FBXW11: variants seen among roughly 807,000 people sequenced by gnomAD.
The protein encoded by FBXW11 is F-box and WD repeat domain containing 11.
FBXW11 carries 19 observed loss-of-function variants against 77.6 expected under a neutral mutation model. The observed-to-expected ratio is 0.24, with a 90% CI of 0.17 to 0.36. The LOEUF is 0.36. Among genes scored for constraint, FBXW11 ranks in the 10% least tolerant of loss-of-function variants. The pLI is 1.00. For missense variants in FBXW11, 334 were observed against 704.2 expected (o/e 0.47, Z 5.95); for synonymous variants, 235 against 249.4 (o/e 0.94, Z 0.54).
chr5:171,909,405 T>C (rs1351645734), intron 4 of FBXW11, among the ~76,000 whole-genome samples: 2 of 152,224 alleles, frequency 1.3e-5, no homozygotes, highest in African/African-American at 2.4e-5. Flanking sequence ...AAGGCAGATA[T>C]ATGTCATTAG....
chr5:171,917,591 T>C (rs1761335017), intron 2 of FBXW11, among the ~76,000 whole-genome samples: 2 of 152,184 alleles, frequency 1.3e-5, no homozygotes, highest in Admixed American at 1.3e-4. Flanking sequence ...CCACTTCTTT[T>C]ATAAAGGTTT....
intron 3 of FBXW11, among the ~76,000 whole-genome samples, chr5:171,913,834 C>CACATACAT (rs59694449): frequency 7.2e-6 from 1 of 138,100 alleles, no homozygotes; most frequent in South Asian, 2.4e-4. Flanking sequence ...CACACACACA[C>CACATACAT]ACACACACAC....
intron 2 of FBXW11, among the ~76,000 whole-genome samples, chr5:171,942,223 A>G (rs1400503198): frequency 6.6e-6 from 1 of 151,510 alleles, no homozygotes; most frequent in African/African-American, 2.4e-5. Context: ...TAGCACTGAC[A>G]GGTTACTGCC....
chr5:171,993,484 G>A (rs752026097), intron 1 of FBXW11, among the ~76,000 whole-genome samples: 2 of 152,098 alleles, frequency 1.3e-5, no homozygotes, highest in East Asian at 1.9e-4. Context: ...GTGGTGATGC[G>A]TGCCTGTAGT....
Position 171,876,538 on chromosome 5 carries a change from G to GGA in FBXW11, c.972-6_972-5dup, listed in dbSNP as rs1758093969. The GGA allele has an allele frequency of 6.2e-7, 1 of 1,611,358 alleles. No individual in the cohort carries two copies. ...ACCCGTGTTCACATCCCACACTCTA[G>GGA]GAGAGAAGAGAAAAGCATGATGCTT... is the stretch of plus-strand genomic sequence containing the variant. On this transcript the variant is annotated splice_polypyrimidine_tract_variant and splice_region_variant and intron_variant, in intron 8 of 13. Coordinates refer to ENST00000517395, the MANE Select transcript of FBXW11 (RefSeq NM_001378974.1). The surrounding 1 kb of genome is among the most constrained non-coding windows in gnomAD (Gnocchi z 4.2).
chr5:171,898,487 A>G (rs1054397585), intron 6 of FBXW11, among the ~76,000 whole-genome samples: 1 of 152,232 alleles, frequency 6.6e-6, no homozygotes, highest in African/African-American at 2.4e-5. Flanking sequence ...ACAGAGTTTT[A>G]CTGGTCTGGT....
intron 2 of FBXW11, among the ~76,000 whole-genome samples, chr5:171,953,516 T>C (rs1009653778): frequency 6.6e-6 from 1 of 152,196 alleles, no homozygotes; most frequent in Non-Finnish European, 1.5e-5. Context: ...AGCCTTATCA[T>C]ATGCATGGTC....
intron 1 of FBXW11, among the ~76,000 whole-genome samples, chr5:171,978,641 C>T (rs975393271): frequency 6.6e-6 from 1 of 152,160 alleles, no homozygotes; most frequent in Non-Finnish European, 1.5e-5. Context: ...TTGCCATGGA[C>T]AGTATGCAGA....
chr5:171,939,211 T>C (rs1267525857), intron 2 of FBXW11, among the ~76,000 whole-genome samples: 1 of 152,080 alleles, frequency 6.6e-6, no homozygotes, highest in African/African-American at 2.4e-5. Context: ...CACTCCAGCA[T>C]GGGTGACAGC....
intron 1 of FBXW11, among the ~76,000 whole-genome samples, chr5:171,972,434 A>G (rs1433822950): frequency 1.4e-5 from 2 of 144,630 alleles, no homozygotes; most frequent in Admixed American, 7.1e-5. Context: ...CCCGGAGGTC[A>G]AGGCTACAGT....
chr5:171,867,178 C>CAGAA (rs1581116971), intron 13 of FBXW11, among the ~76,000 whole-genome samples: 1 of 152,078 alleles, frequency 6.6e-6, no homozygotes, highest in East Asian at 1.9e-4. Flanking sequence ...GGGGCAAGAC[C>CAGAA]AGAAGTCAGC....
At chr5:171,918,847 A>G (rs1238011640) in intron 2 of FBXW11, among the ~76,000 whole-genome samples, 1 of 152,188 alleles carries the variant, frequency 6.6e-6, no homozygotes, top group Non-Finnish European at 1.5e-5. Flanking sequence ...GTGAGAATCA[A>G]AAATGTCTCC....
At chr5:171,916,944 C>T (rs143981623) in intron 2 of FBXW11, among the ~76,000 whole-genome samples, 5 of 151,952 alleles carry the variant, frequency 3.3e-5, no homozygotes, top group South Asian at 2.1e-4. Flanking sequence ...TTTTTAAATA[C>T]GGAGTCTTGC....
In FBXW11 at chr5:171,955,092, A is replaced by T. The variant is rs1763540179; in HGVS notation, c.147+2505T>A. 2.0e-5 allele frequency among the ~76,000 whole-genome samples: 3 copies of T among 152,358 alleles called. No homozygotes were observed. The South Asian group carries it at 6.2e-4, about 32-fold the overall frequency. ...TAATATATGTGAAGCACCATGTAAC[A>T]GTTGGTAATGAGTGATTTTTAAGTC... On this transcript the variant is annotated intron_variant, in intron 2 of 13. Transcript: ENST00000517395.
chr5:171,907,092 G>A (rs745941178), intron 4 of FBXW11, among the ~76,000 whole-genome samples: 1 of 152,064 alleles, frequency 6.6e-6, no homozygotes, highest in Non-Finnish European at 1.5e-5. Flanking sequence ...CTTACAAACC[G>A]CAAACTCAGC....
intron 1 of FBXW11, among the ~76,000 whole-genome samples, chr5:171,988,508 AAAGG>A (rs952497628): frequency 6.6e-6 from 1 of 152,166 alleles, no homozygotes; most frequent in Non-Finnish European, 1.5e-5. Context: ...GTGATATAAA[AAAGG>A]AAGGAAGAAA....
At chr5:171,900,638 C>T (rs560863715) in intron 4 of FBXW11, among the ~76,000 whole-genome samples, 23 of 152,302 alleles carry the variant, frequency 1.5e-4, no homozygotes, top group African/African-American at 5.1e-4. Flanking sequence ...AAAACACCGA[C>T]TCATCTTGAA....
Position 171,869,660 on chromosome 5 carries a change from G to A in FBXW11, c.1530+69C>T. On this transcript the variant is annotated intron_variant, in intron 12 of 13. Transcript: ENST00000517395. The surrounding 1 kb of genome is among the most constrained non-coding windows in gnomAD (Gnocchi z 4.1). The stretch of plus-strand genomic sequence containing the variant: ...CACAAGCGTTCCTGTGATACACCTA[G>A]ACAGGACTATCTGCAAATGGTCATC... 8.2e-7 allele frequency: 1 copy of A among 1,213,832 alleles called. No homozygotes were observed. The highest frequency in any genetic ancestry group is 1.2e-6 in the Non-Finnish European group (1 of 852,888). 75.2% of individuals were successfully genotyped at this position (1,213,832 alleles called of 1,614,324 possible).
chr5:171,986,773 T>C (rs1765467895), intron 1 of FBXW11, among the ~76,000 whole-genome samples: 1 of 152,144 alleles, frequency 6.6e-6, no homozygotes, highest in Non-Finnish European at 1.5e-5. Context: ...TAAAATATGT[T>C]TGTGAAGCTC....
Sources: allele counts gnomAD v4.1 joint callset (sites outside exome capture counted in the v4.1 genomes callset), GRCh38; gene constraint gnomAD v4.1.1; non-coding constraint Gnocchi (gnomAD v3.1); transcripts MANE v1.5; gene names NCBI Gene and HGNC (gene_info 2026-07-23, HGNC 2026-07-21).